The following FRMD6 variants were observed in gnomAD, a reference collection of about 807,000 sequenced individuals.
The protein encoded by FRMD6 is FERM domain-containing protein 6.
A neutral mutation model predicts 73.2 loss-of-function variants in FRMD6; 37 were observed. The observed-to-expected ratio is 0.51, with a 90% CI of 0.39 to 0.66. FRMD6 has a LOEUF of 0.66. Among genes scored for constraint, FRMD6 ranks in the 30% least tolerant of loss-of-function variants. FRMD6 has a pLI of 0.00. For synonymous variants in FRMD6, 273 were observed against 282.2 expected (o/e 0.97, Z 0.33); for missense variants, 714 against 780.5 (o/e 0.91, Z 1.02).
the FRMD6 span, among the ~76,000 whole-genome samples, chr14:51,422,562 T>C: frequency 6.6e-6 from 1 of 152,212 alleles, no homozygotes; most frequent in Non-Finnish European, 1.5e-5. Context: ...GGAAACTACT[T>C]AATTAAAAAG....
At chr14:51,582,989 G>A (rs150877374) in intron 2 of FRMD6, among the ~76,000 whole-genome samples, 2 of 152,152 alleles carry the variant, frequency 1.3e-5, no homozygotes, top group African/African-American at 2.4e-5. Context: ...TTACTTTCTC[G>A]CCTTTCCTGC....
chr14:51,549,345 G>C (rs539938921), intron 1 of FRMD6, among the ~76,000 whole-genome samples: 4 of 152,264 alleles, frequency 2.6e-5, no homozygotes, highest in South Asian at 4.1e-4. Flanking sequence ...GTATAGGCTA[G>C]CTTAATATCA....
chr14:51,650,371 T>C (rs911381400), upstream of FRMD6: 3 of 151,360 alleles, frequency 2.0e-5, no homozygotes, highest in African/African-American at 7.3e-5. Context: ...TATTCATCTT[T>C]GGATGAAAAG....
intron 1 of FRMD6, among the ~76,000 whole-genome samples, chr14:51,688,311 A>C (rs1895315305): frequency 2.0e-5 from 3 of 152,162 alleles, no homozygotes; most frequent in African/African-American, 7.2e-5. Flanking sequence ...GCTTTTAGCC[A>C]CCTTCCTAAT....
chr14:51,608,947 G>A lies in FRMD6; in HGVS notation c.-147+38537G>A. 1.3e-5 allele frequency among the ~76,000 whole-genome samples: 2 copies of A among 151,988 alleles called. 1 individual carries two copies. Among genetic ancestry groups the A allele is most frequent in the Non-Finnish European group, 2.9e-5 (2 of 67,966 alleles). ...AGGAATGTCCTACATGCTACAAGGA[G>A]GGCATGTGCACCAGCCTTGGGGGGT... On this transcript the variant is annotated intron_variant, in intron 2 of 14. Transcript: ENST00000356218.
chr14:51,462,611 G>A, the FRMD6 span, among the ~76,000 whole-genome samples: 1 of 152,172 alleles, frequency 6.6e-6, no homozygotes, highest in African/African-American at 2.4e-5. Context: ...TAGTGTATGT[G>A]TCTCCAGAAT....
intron 1 of FRMD6, among the ~76,000 whole-genome samples, chr14:51,678,995 G>A (rs1305644553): frequency 6.6e-6 from 1 of 152,130 alleles, no homozygotes; most frequent in Non-Finnish European, 1.5e-5. Context: ...TACTCACACT[G>A]AGGAGGAATG....
chr14:51,571,887 C>T (rs1284520667), intron 2 of FRMD6, among the ~76,000 whole-genome samples: 1 of 152,172 alleles, frequency 6.6e-6, no homozygotes, highest in Non-Finnish European at 1.5e-5. Context: ...TTACATCAAA[C>T]TTTGTCTCAT....
At chr14:51,617,147 C>T (rs951498124) in intron 2 of FRMD6, among the ~76,000 whole-genome samples, 11 of 152,160 alleles carry the variant, frequency 7.2e-5, no homozygotes, top group Non-Finnish European at 1.0e-4. Context: ...ATTATTGAAC[C>T]GTTTTGCATG....
chr14:51,568,515 A>C (rs940681128), intron 1 of FRMD6, among the ~76,000 whole-genome samples: 1 of 152,246 alleles, frequency 6.6e-6, no homozygotes, highest in Non-Finnish European at 1.5e-5. Flanking sequence ...ACACTGCAAG[A>C]AACTTTTTGC....
chr14:51,551,985 G>A (rs531147253), intron 1 of FRMD6, among the ~76,000 whole-genome samples: 1 of 152,138 alleles, frequency 6.6e-6, no homozygotes, highest in Non-Finnish European at 1.5e-5. Flanking sequence ...TATCCCTTGT[G>A]CTACTGAATA....
chr14:51,420,868 G>A, the FRMD6 span, among the ~76,000 whole-genome samples: 404 of 152,206 alleles, frequency 2.7e-3, 3 homozygotes, highest in African/African-American at 9.3e-3. Flanking sequence ...TCTGCCTCCC[G>A]GTTCAAGTGA....
chr14:51,428,129 T>A, the FRMD6 span, among the ~76,000 whole-genome samples: 1 of 152,202 alleles, frequency 6.6e-6, no homozygotes, highest in Non-Finnish European at 1.5e-5. Context: ...CTTTAGGACA[T>A]ACTCAAACTT....
chr14:51,668,385 C>T (rs1207145478), intron 1 of FRMD6, among the ~76,000 whole-genome samples: 1 of 152,180 alleles, frequency 6.6e-6, no homozygotes, highest in Non-Finnish European at 1.5e-5. Flanking sequence ...CGGCTCACTG[C>T]AACCTCCGCC....
At chr14:51,550,652 C>T (rs894140002) in intron 1 of FRMD6, among the ~76,000 whole-genome samples, 4 of 149,350 alleles carry the variant, frequency 2.7e-5, no homozygotes, top group Admixed American at 6.7e-5. Flanking sequence ...AGAGGAAGGG[C>T]GGGATAGTGA....
chr14:51,588,013 C>G (rs1260672228), intron 2 of FRMD6, among the ~76,000 whole-genome samples: 2 of 151,682 alleles, frequency 1.3e-5, no homozygotes, highest in South Asian at 4.2e-4. Context: ...TATTTTCTTT[C>G]GTTTTCATTA....
chr14:51,696,568 A>G (rs1895952754), intron 2 of FRMD6, among the ~76,000 whole-genome samples: 1 of 151,980 alleles, frequency 6.6e-6, no homozygotes, highest in African/African-American at 2.4e-5. Context: ...CAGAAAAGGA[A>G]TCTGGTTTAG....
chr14:51,436,958 GACTAACAGA>G, the FRMD6 span: 1 of 962,882 alleles, frequency 1.0e-6, no homozygotes, highest in Non-Finnish European at 1.6e-6. Context: ...AGGAGAAGAT[GACTAACAGA>G]ACACTGATGG....
intron 1 of FRMD6, among the ~76,000 whole-genome samples, chr14:51,680,297 T>G (rs1198099987): frequency 6.6e-6 from 1 of 152,226 alleles, no homozygotes; most frequent in African/African-American, 2.4e-5. Context: ...TCCCCATACA[T>G]GCTGTTAACC....
Sources: allele counts gnomAD v4.1 joint callset (sites outside exome capture counted in the v4.1 genomes callset), GRCh38; gene constraint gnomAD v4.1.1; transcripts MANE v1.5; gene names NCBI Gene and HGNC (gene_info 2026-07-23, HGNC 2026-07-21).